Variants in NPIPB11 observed in about 807,000 individuals in gnomAD.
The protein encoded by NPIPB11 is nuclear pore complex-interacting protein family member B11.
In NPIPB11, 17 loss-of-function variants were observed where a neutral mutation model predicts 32.8. The ratio of observed to expected loss-of-function variants is 0.52; its 90% CI spans 0.35 to 0.78. The LOEUF (loss-of-function observed/expected upper bound fraction) is 0.78, where lower values mean the gene tolerates loss of function less well. NPIPB11 is among the 30% of genes least tolerant of loss of function. The probability of loss-of-function intolerance (pLI) is 0.01; values close to 1 mark genes in which losing one functional copy is unlikely to be tolerated. For missense variants in NPIPB11, 537 were observed against 1,000.4 expected (o/e 0.54, Z 6.25); for synonymous variants, 209 against 398.4 (o/e 0.52, Z 5.66).
intron 5 of NPIPB11, among the ~76,000 whole-genome samples, chr16:29,389,510 G>A (rs553858911): frequency 6.7e-6 from 1 of 148,178 alleles, no homozygotes; most frequent in Non-Finnish European, 1.5e-5. Flanking sequence ...CCCATCTCTA[G>A]TAAAAATACA....
upstream of NPIPB11, among the ~76,000 whole-genome samples, chr16:29,405,210 A>G (rs1964087290): frequency 1.3e-5 from 2 of 152,032 alleles, no homozygotes; most frequent in African/African-American, 4.8e-5. Context: ...AAAAACCCTC[A>G]ATTTCCTAAA....
intron 2 of NPIPB11, among the ~76,000 whole-genome samples, chr16:29,401,894 A>C (rs891689160): frequency 2.6e-5 from 4 of 151,450 alleles, no homozygotes; most frequent in Non-Finnish European, 5.9e-5. Context: ...AAGAGCCTTC[A>C]GTGGTGTACA....
At chr16:29,399,860 C>G (rs1271931028) in intron 2 of NPIPB11, among the ~76,000 whole-genome samples, 2 of 152,020 alleles carry the variant, frequency 1.3e-5, no homozygotes, top group Non-Finnish European at 2.9e-5. Context: ...AGGCGCATCA[C>G]GAGGTTAGGA....
chr16:29,390,278 G>C (rs779901765), exon 4 of NPIPB11: 1 of 1,587,008 alleles, frequency 6.3e-7, no homozygotes, highest in Non-Finnish European at 8.5e-7. Context: ...GGACCTCCAG[G>C]CTCTCTGCTG....
At chr16:29,382,993 C>G (rs767399342) in exon 8 of NPIPB11, 11 of 1,601,704 alleles carry the variant, frequency 6.9e-6, no homozygotes, top group Non-Finnish European at 9.3e-6. Context: ...AGTGAGCTGA[C>G]GCTCGGAAGG....
upstream of NPIPB11, among the ~76,000 whole-genome samples, chr16:29,406,129 T>G (rs1310773460): frequency 6.6e-6 from 1 of 152,396 alleles, no homozygotes; most frequent in East Asian, 1.9e-4. Context: ...AAACTAACTT[T>G]GGGATTTTTT....
intron 2 of NPIPB11, among the ~76,000 whole-genome samples, chr16:29,395,066 G>A (rs1486174588): frequency 4.5e-5 from 6 of 134,062 alleles, no homozygotes; most frequent in Non-Finnish European, 6.4e-5. Context: ...AATGTTTTAA[G>A]AAAGTTTACA....
chr16:29,405,871 C>A (rs1350196039), upstream of NPIPB11, among the ~76,000 whole-genome samples: 1 of 152,220 alleles, frequency 6.6e-6, no homozygotes, highest in Admixed American at 6.5e-5. Flanking sequence ...ACACTCATAA[C>A]CCTGTACACA....
chr16:29,395,977 C>CAA (rs1242538188), intron 2 of NPIPB11, among the ~76,000 whole-genome samples: 1 of 95,952 alleles, frequency 1.0e-5, no homozygotes, highest in Non-Finnish European at 2.2e-5. Flanking sequence ...GACTCTGTCT[C>CAA]AAAAAAAAAA....
chr16:29,384,177 T>G, exon 8 of NPIPB11: 1 of 1,566,820 alleles, frequency 6.4e-7, no homozygotes, highest in Non-Finnish European at 8.5e-7. Flanking sequence ...ACAATGTTGT[T>G]GAGTTGGAGG....
chr16:29,383,613 G>T lies in NPIPB11; in HGVS notation c.1319C>A (p.Thr440Asn). 4.1e-5 allele frequency: 19 copies of T among 461,188 alleles called. 1 individual carries two copies. Among genetic ancestry groups the T allele is most frequent in the Non-Finnish European group, 1.8e-5 (5 of 285,706 alleles). 28.6% of individuals were successfully genotyped at this position (461,188 alleles called of 1,614,324 possible). Residue 440 changes from threonine (T) to asparagine (N), a missense_variant, in exon 8 of 8, where the codon ACT becomes AAT. By Grantham distance (65) the Thr-to-Asn change is moderately conservative. Transcript: ENST00000524087. ...GGGTGGAGCTGAGGGTGGAAGGGGAGTGAGCTGACGCTCAGAAGGTGTCTT... is the reference window on the plus strand; with the variant it reads ...GGGTGGAGCTGAGGGTGGAAGGGGATTGAGCTGACGCTCAGAAGGTGTCTT...
intron 2 of NPIPB11, among the ~76,000 whole-genome samples, chr16:29,401,227 A>G (rs1332380483): frequency 6.6e-6 from 1 of 152,168 alleles, no homozygotes; most frequent in Non-Finnish European, 1.5e-5. Flanking sequence ...CAGGAAAAAT[A>G]GTGCCTGGAT....
chr16:29,390,294 C>T (rs771354685), exon 4 of NPIPB11: 4 of 1,587,368 alleles, frequency 2.5e-6, no homozygotes, highest in South Asian at 1.1e-5. Flanking sequence ...TGCTGTACAT[C>T]CGTGGATCCA....
intron 5 of NPIPB11, among the ~76,000 whole-genome samples, 151 bp downstream of exon 5, chr16:29,389,789 CT>C (rs1273092349): frequency 6.6e-6 from 1 of 150,714 alleles, no homozygotes; most frequent in African/African-American, 2.4e-5. Context: ...AATTATACAG[CT>C]TAAACTAATG....
rs543598141 is a variant in NPIPB11, at chr16:29,399,905, C to A, written c.120+3778G>T. On this transcript the variant is annotated intron_variant, in intron 2 of 7. Coordinates refer to ENST00000524087, the Ensembl canonical transcript of NPIPB11. ...CAGCCTGACCAACATGGTGAAACCCCGTCTCTACTAAAAATACAAAAATTA... is the reference window on the plus strand; with the variant it reads ...CAGCCTGACCAACATGGTGAAACCCAGTCTCTACTAAAAATACAAAAATTA... 2.0e-5 allele frequency among the ~76,000 whole-genome samples: 3 copies of A among 151,744 alleles called. 1 individual carries two copies. In the South Asian group the frequency reaches 6.3e-4, roughly 32 times the overall value.
intron 2 of NPIPB11, among the ~76,000 whole-genome samples, chr16:29,397,079 G>A (rs2142133567): frequency 6.6e-6 from 1 of 150,592 alleles, no homozygotes; most frequent in Admixed American, 6.6e-5. Flanking sequence ...GCTGAGGCAG[G>A]ACAATTGCTT....
At chr16:29,390,269 G>A in exon 4 of NPIPB11, 2 of 1,587,466 alleles carry the variant, frequency 1.3e-6, no homozygotes, top group Non-Finnish European at 1.7e-6. Flanking sequence ...ACGGCGGTTG[G>A]ACCTCCAGGC....
intron 5 of NPIPB11, among the ~76,000 whole-genome samples, chr16:29,389,052 G>A (rs944786891): frequency 1.3e-4 from 19 of 151,412 alleles, no homozygotes; most frequent in Non-Finnish European, 7.4e-5. Context: ...AAAATTATCC[G>A]GGCATGGTGG....
intron 2 of NPIPB11, among the ~76,000 whole-genome samples, chr16:29,399,936 G>A (rs1049916373): frequency 1.3e-5 from 2 of 151,468 alleles, no homozygotes; most frequent in Non-Finnish European, 2.9e-5. Context: ...AATTAGCCAG[G>A]CACGGTGGCA....
Sources: gnomAD v4.1 joint callset for allele counts (sites outside exome capture counted in the v4.1 genomes callset) on GRCh38, gnomAD v4.1.1 for gene constraint, MANE v1.5 for transcripts, NCBI Gene and HGNC (gene_info 2026-07-23, HGNC 2026-07-21) for gene names.